Variants in TACC2 observed in about 807,000 individuals in gnomAD.
TACC2 encodes the protein transforming acidic coiled-coil-containing protein 2.
TACC2 carries 137 observed loss-of-function variants against 227.3 expected under a neutral mutation model. The ratio of observed to expected loss-of-function variants is 0.60; its 90% CI spans 0.52 to 0.69. The LOEUF (loss-of-function observed/expected upper bound fraction) is 0.69. Ranked by LOEUF, TACC2 falls within the 30% of genes least tolerant of loss-of-function variation. The pLI is 0.00. For synonymous variants in TACC2, 1,523 were observed against 1,487.5 expected, an observed-to-expected ratio of 1.02 and a Z score of -0.55; for missense variants, 3,470 against 3,694.4, an observed-to-expected ratio of 0.94 and a Z score of 1.57.
intron 7 of TACC2, among the ~76,000 whole-genome samples, chr10:122,169,192 C>T (rs1434204720): frequency 2.0e-5 from 3 of 152,194 alleles, no homozygotes; most frequent in Non-Finnish European, 4.4e-5. Flanking sequence ...TGTTTAAACG[C>T]CATTGCCAAA....
At chr10:122,098,652 G>C (rs947866315) in intron 5 of TACC2, among the ~76,000 whole-genome samples, 25 of 152,138 alleles carry the variant, frequency 1.6e-4, no homozygotes, top group African/African-American at 5.6e-4. Flanking sequence ...CATGCAGTAA[G>C]CACTGAGGTA....
chr10:122,180,098 G>A lies in TACC2; in HGVS notation c.5835-14942G>A, dbSNP rs912358241. ...AGACGGTGTCTCCAAAAAAACAGGCGAGTCCTTTCCCCGTGTAACCCTCAG... is the reference window on the plus strand; with the variant it reads ...AGACGGTGTCTCCAAAAAAACAGGCAAGTCCTTTCCCCGTGTAACCCTCAG... On this transcript the variant is annotated intron_variant, in intron 7 of 22. Coordinates refer to ENST00000369005, the MANE Select transcript of TACC2 (RefSeq NM_206862.4). This position sits in a 1 kb window ranked among gnomAD's most constrained non-coding sequence, Gnocchi z 4.5. Among the ~76,000 whole-genome samples, 10 of 151,664 alleles carry A rather than the reference G, an allele frequency of 6.6e-5. No individual in the cohort carries two copies. Among genetic ancestry groups the A allele is most frequent in the Admixed American group, 2.6e-4 (4 of 15,200 alleles).
chr10:122,148,165 G>A lies in TACC2; in HGVS notation c.5834+4459G>A, dbSNP rs2901301. 7.5e-3 allele frequency among the ~76,000 whole-genome samples: 1,114 copies of A among 148,286 alleles called. 7 individuals carry two copies. The highest frequency in any genetic ancestry group is 0.028 in the Middle Eastern group (8 of 284). On this transcript the variant is annotated intron_variant, in intron 7 of 22. Transcript: ENST00000369005. Reference sequence around the variant, plus strand: ...ATAGCCCAGGCTGGAGTGCAATGGCGTGATCTCTTCTCACTGCAACTTCCG... The same window carrying A: ...ATAGCCCAGGCTGGAGTGCAATGGCATGATCTCTTCTCACTGCAACTTCCG...
intron 2 of TACC2, among the ~76,000 whole-genome samples, chr10:122,040,151 G>A (rs941334960): frequency 3.3e-5 from 5 of 152,168 alleles, no homozygotes; most frequent in African/African-American, 1.2e-4. Flanking sequence ...ACCACCTGAT[G>A]GTTGGAAATG....
chr10:122,158,387 T>A, intron 7 of TACC2, among the ~76,000 whole-genome samples: 1 of 149,330 alleles, frequency 6.7e-6, no homozygotes, highest in African/African-American at 2.5e-5. Context: ...AGAGCGAGAC[T>A]CCATCTCAAA....
intron 3 of TACC2, among the ~76,000 whole-genome samples, chr10:122,063,555 A>AGAG (rs1413421650): frequency 1.3e-5 from 2 of 152,216 alleles, no homozygotes; most frequent in African/African-American, 4.8e-5. Context: ...CAACAGGGGA[A>AGAG]GAGGAGTATT....
chr10:122,146,819 CCAT>C (rs2091433586), intron 7 of TACC2, among the ~76,000 whole-genome samples: 1 of 152,112 alleles, frequency 6.6e-6, no homozygotes, highest in Non-Finnish European at 1.5e-5. Context: ...TTCCAGGATC[CCAT>C]CCAGGAAACC....
At chr10:122,225,288 C>T (rs1034156433) in intron 12 of TACC2, among the ~76,000 whole-genome samples, 5 of 152,202 alleles carry the variant, frequency 3.3e-5, no homozygotes, top group Non-Finnish European at 5.9e-5. Context: ...GCGATGCCCT[C>T]GGAGACGTGT....
intron 7 of TACC2, among the ~76,000 whole-genome samples, chr10:122,187,873 G>A (rs934632132): frequency 3.3e-5 from 5 of 152,124 alleles, no homozygotes; most frequent in Non-Finnish European, 5.9e-5. Context: ...TATCCTTATG[G>A]TCATTAATAT....
intron 1 of TACC2, among the ~76,000 whole-genome samples, chr10:122,006,057 T>A (rs1955082474): frequency 6.6e-6 from 1 of 152,220 alleles, no homozygotes; most frequent in Non-Finnish European, 1.5e-5. Context: ...TGGCTGGATA[T>A]AAAATCTTTG....
At chr10:122,062,513 C>T (rs536064750) in intron 3 of TACC2, among the ~76,000 whole-genome samples, 1 of 148,848 alleles carries the variant, frequency 6.7e-6, no homozygotes, top group Non-Finnish European at 1.5e-5. Flanking sequence ...AGGGTTTCTC[C>T]ATATTGGTCA....
At chr10:122,130,852 C>T (rs1018810929) in intron 5 of TACC2, among the ~76,000 whole-genome samples, 3 of 132,822 alleles carry the variant, frequency 2.3e-5, no homozygotes, top group Non-Finnish European at 3.0e-5. Flanking sequence ...ACGTAGTAAC[C>T]ATTAGGAAAC....
intron 3 of TACC2, among the ~76,000 whole-genome samples, chr10:122,066,980 T>G (rs2077457145): frequency 6.6e-6 from 1 of 152,242 alleles, no homozygotes; most frequent in Non-Finnish European, 1.5e-5. Context: ...TTCTTCTGTT[T>G]CAGACTTTGT....
chr10:122,233,700 G>A (rs1353661206), intron 16 of TACC2, among the ~76,000 whole-genome samples: 1 of 152,168 alleles, frequency 6.6e-6, no homozygotes, highest in Non-Finnish European at 1.5e-5. Context: ...AGTACAGCCT[G>A]AGAGGAGTGA....
intron 16 of TACC2, among the ~76,000 whole-genome samples, chr10:122,236,434 A>G (rs2095858081): frequency 6.6e-6 from 1 of 152,260 alleles, no homozygotes; most frequent in African/African-American, 2.4e-5. Flanking sequence ...AGGTTAATGC[A>G]TAGGACTGAG....
intron 7 of TACC2, among the ~76,000 whole-genome samples, chr10:122,175,110 C>A (rs1344715322): frequency 6.6e-6 from 1 of 152,052 alleles, no homozygotes; most frequent in East Asian, 1.9e-4. Flanking sequence ...AGCTGGGACA[C>A]CCCTGGCTAA....
intron 5 of TACC2, among the ~76,000 whole-genome samples, chr10:122,089,493 T>C (rs1217050781): frequency 1.3e-5 from 2 of 152,248 alleles, no homozygotes; most frequent in Admixed American, 6.5e-5. Flanking sequence ...TGTTCTTTTC[T>C]ACATGAAATG....
intron 18 of TACC2, among the ~76,000 whole-genome samples, chr10:122,238,687 A>G (rs1268177852): frequency 2.6e-5 from 4 of 151,858 alleles, no homozygotes; most frequent in Admixed American, 2.6e-4. Flanking sequence ...CTGACCTCAG[A>G]TGATCCACCC....
Position 122,083,923 on chromosome 10 carries a change from C to A in TACC2, c.1423C>A (p.Leu475Ile). 2 of 1,614,050 alleles carry A rather than the reference C, an allele frequency of 1.2e-6. No individual in the cohort carries two copies. Among genetic ancestry groups the A allele is most frequent in the Non-Finnish European group, 1.7e-6 (2 of 1,180,006 alleles). ...GGGACTGGAGAGGCAGGTGTCAGAT[C>A]TTGGAAGCAAGGGAGAGCATCCAGA... ...LVGLERQVSD[L>I]GSKGEHPEGD... Residue 475 changes from leucine (L) to isoleucine (I), a missense_variant, in exon 4 of 23, where the codon CTT becomes ATT. Coordinates refer to ENST00000369005, the MANE Select transcript of TACC2 (RefSeq NM_206862.4).
Sources: allele counts gnomAD v4.1 joint callset (sites outside exome capture counted in the v4.1 genomes callset), GRCh38; gene constraint gnomAD v4.1.1; non-coding constraint Gnocchi (gnomAD v3.1); transcripts MANE v1.5; gene names NCBI Gene and HGNC (gene_info 2026-07-23, HGNC 2026-07-21).